DCBLD2: variants seen among roughly 807,000 people sequenced by gnomAD.
The protein encoded by DCBLD2 is discoidin, CUB and LCCL domain-containing protein 2.
In DCBLD2, 54 loss-of-function variants were observed where a neutral mutation model predicts 86.8. That is an observed-to-expected ratio of 0.62 (90% confidence interval 0.50 to 0.78). The LOEUF is 0.78. DCBLD2 is among the 30% of genes least tolerant of loss of function. The probability of loss-of-function intolerance (pLI) is 0.00; values close to 1 mark genes in which losing one functional copy is unlikely to be tolerated. For missense variants in DCBLD2, 908 were observed against 954.2 expected, an observed-to-expected ratio of 0.95 and a Z score of 0.64; for synonymous variants, 354 against 341.3, an observed-to-expected ratio of 1.04 and a Z score of -0.41.
chr3:98,858,708 T>C (rs1942982742), intron 2 of DCBLD2, among the ~76,000 whole-genome samples: 1 of 152,092 alleles, frequency 6.6e-6, no homozygotes, highest in South Asian at 2.1e-4. Flanking sequence ...AGAAAACAAG[T>C]AACTTTAAAA....
At chr3:98,852,298 G>C (rs1167988950) in intron 2 of DCBLD2, among the ~76,000 whole-genome samples, 4 of 150,296 alleles carry the variant, frequency 2.7e-5, no homozygotes, top group Non-Finnish European at 5.9e-5. Context: ...CCAGGCTGGA[G>C]TACAGTGGCG....
In DCBLD2 at chr3:98,901,482, G is replaced by GCGCCGGGACC; in HGVS notation, c.-157_-156insGGTCCCGGCG. 1 of 638,340 alleles carries GCGCCGGGACC rather than the reference G, an allele frequency of 1.6e-6. No homozygotes were observed. The highest frequency in any genetic ancestry group is 2.2e-6 in the Non-Finnish European group (1 of 449,840). 39.5% of individuals were successfully genotyped at this position (638,340 alleles called of 1,614,324 possible). ...CCGGGACCCTTCCGCCCCTCACCCCGCTTTCACCTACTCCTCCTTCGTCCC... is the reference window on the plus strand; with the variant it reads ...CCGGGACCCTTCCGCCCCTCACCCCGCGCCGGGACCCTTTCACCTACTCCTCCTTCGTCCC... On this transcript the variant is annotated 5_prime_UTR_variant, in exon 1 of 16. Coordinates refer to ENST00000326840, the MANE Select transcript of DCBLD2 (RefSeq NM_080927.4).
rs1164022534 is a variant in DCBLD2 at position 98,799,661 on chromosome 3, G to A, written c.2039C>T (p.Pro680Leu). The change falls in exon 16 of 16, where the codon CCA (proline) becomes CTA (leucine). Residue 680 changes from proline to leucine, a missense_variant. Transcript: ENST00000326840. ...GTGCCCTGACATGTCCATGATGATT[G>A]GGGTTGCATACTCAGGCCCCGTAAT... ...LPITGPEYAT[P>L]IIMDMSGHPT... 2 of 1,613,870 alleles carry A rather than the reference G, an allele frequency of 1.2e-6. No homozygotes were observed. Among genetic ancestry groups the A allele is most frequent in the Non-Finnish European group, 1.7e-6 (2 of 1,179,892 alleles).
At chr3:98,890,919 C>G (rs1046780487) in intron 1 of DCBLD2, among the ~76,000 whole-genome samples, 2 of 152,082 alleles carry the variant, frequency 1.3e-5, no homozygotes, top group Admixed American at 6.6e-5. Context: ...ATACTAAGCA[C>G]TTTTGCTCAG....
At chr3:98,876,087 GA>G (rs1043319370) in intron 2 of DCBLD2, among the ~76,000 whole-genome samples, 7 of 151,802 alleles carry the variant, frequency 4.6e-5, no homozygotes, top group African/African-American at 1.5e-4. Context: ...TTGCATGGTT[GA>G]AAAAAAGTAA....
intron 3 of DCBLD2, among the ~76,000 whole-genome samples, chr3:98,831,232 A>G (rs1463105240): frequency 1.5e-5 from 2 of 131,788 alleles, no homozygotes; most frequent in South Asian, 4.6e-4. Flanking sequence ...TGGTATTTTT[A>G]GTAGAGACGA....
chr3:98,895,512 G>C (rs560293531), intron 1 of DCBLD2: 1 of 152,306 alleles, frequency 6.6e-6, no homozygotes, highest in South Asian at 2.1e-4. Context: ...ATAATCTTAT[G>C]ATCTTACTCT....
Position 98,799,549 on chromosome 3 carries a change from T to G in DCBLD2, c.2151A>C (p.Thr717=). ...AGCAGCTGTCAGTCCTGGAGAGAAG[T>G]GTATTGTAAGTTCCCACTAGTGGGG... The part of the protein sequence containing the change: ...QPPPLVGTYN[T]LLSRTDSCSS... The change falls in exon 16 of 16, where the codon ACA becomes ACC. Residue 717 remains threonine, a synonymous_variant. Transcript: ENST00000326840. The G allele has an allele frequency of 1.2e-6, 2 of 1,613,820 alleles. No individual in the cohort carries two copies. The highest frequency in any genetic ancestry group is 1.7e-6 in the Non-Finnish European group (2 of 1,179,864).
intron 1 of DCBLD2, among the ~76,000 whole-genome samples, chr3:98,886,746 G>C (rs138362108): frequency 2.9e-4 from 43 of 150,752 alleles, no homozygotes; most frequent in African/African-American, 9.7e-4. Context: ...CCTCTGAAGA[G>C]TGTAAGGTCA....
chr3:98,826,362 C>G (rs1407583110), intron 3 of DCBLD2, among the ~76,000 whole-genome samples: 1 of 152,186 alleles, frequency 6.6e-6, no homozygotes, highest in Non-Finnish European at 1.5e-5. Flanking sequence ...GCTGCTCTCT[C>G]GACTTGTAAG....
Position 98,801,613 on chromosome 3 carries a change from G to A in DCBLD2, c.1707C>T (p.Tyr569=), listed in dbSNP as rs1422263183. The change falls in exon 14 of 16, where the codon TAC becomes TAT. Residue 569 remains tyrosine (Y), a synonymous_variant. Coordinates refer to ENST00000326840, the MANE Select transcript of DCBLD2 (RefSeq NM_080927.4). ...KKTEGTYDLP[Y]WDRAGWWKGM... ...CACGTGAGTTACCTGCCCGGTCCCA[G>A]TAAGGTAAGTCATAGGTGCCTTCAG... is the stretch of plus-strand genomic sequence containing the variant. The A allele has an allele frequency of 1.2e-6, 2 of 1,610,244 alleles. No individual in the cohort carries two copies. The highest frequency in any genetic ancestry group is 1.7e-6 in the Non-Finnish European group (2 of 1,178,122).
intron 2 of DCBLD2, among the ~76,000 whole-genome samples, chr3:98,857,930 G>T (rs1256563689): frequency 6.6e-6 from 1 of 152,248 alleles, no homozygotes; most frequent in African/African-American, 2.4e-5. Flanking sequence ...CCCGCACCGG[G>T]GCTGCAGGTG....
chr3:98,880,232 A>G (rs1471508314), intron 2 of DCBLD2, among the ~76,000 whole-genome samples: 1 of 152,214 alleles, frequency 6.6e-6, no homozygotes, highest in Non-Finnish European at 1.5e-5. Context: ...TAAAGAAGAG[A>G]TGAAGGATTT....
chr3:98,890,653 C>G (rs922917667), intron 1 of DCBLD2, among the ~76,000 whole-genome samples: 2 of 152,032 alleles, frequency 1.3e-5, no homozygotes, highest in Admixed American at 6.6e-5. Flanking sequence ...GCACTTCCTT[C>G]TCTTGCTTCC....
chr3:98,802,748 G>C (rs1941753497), intron 13 of DCBLD2, among the ~76,000 whole-genome samples: 1 of 152,170 alleles, frequency 6.6e-6, no homozygotes, highest in African/African-American at 2.4e-5. Flanking sequence ...AAGGGATCCA[G>C]TTTCAGCTTT....
At chr3:98,894,832 T>C (rs1237164140) in intron 1 of DCBLD2, among the ~76,000 whole-genome samples, 2 of 152,130 alleles carry the variant, frequency 1.3e-5, no homozygotes, top group African/African-American at 4.8e-5. Flanking sequence ...ATAATTTGAA[T>C]GACAGACACT....
chr3:98,849,071 G>A (rs2454688), intron 3 of DCBLD2, among the ~76,000 whole-genome samples: 6 of 151,746 alleles, frequency 4.0e-5, no homozygotes, highest in African/African-American at 1.5e-4. Flanking sequence ...CAGGAGGCTG[G>A]GACAGGAGAA....
rs774275532 is a variant in DCBLD2 at position 98,800,647 on chromosome 3, T to G, written c.1790A>C (p.Tyr597Ser). 6.2e-7 allele frequency: 1 copy of G among 1,613,980 alleles called. No individual in the cohort carries two copies. The highest frequency in any genetic ancestry group is 2.2e-5 in the East Asian group (1 of 44,882). Residue 597 changes from tyrosine (Y) to serine (S), a missense_variant, in exon 15 of 16, where the codon TAT becomes TCT. By Grantham distance (144) the Tyr-to-Ser change is moderately radical. Transcript: ENST00000326840. ...AVDHEETPVR[Y>S]SSSEVNHLSP... ...CAGGTGATTAACTTCGCTGCTGCTA[T>G]AGCGAACTGGGGTTTCCTCATGGTC...
In DCBLD2 at chr3:98,825,309, T is replaced by G; in HGVS notation, c.623+6A>C. On this transcript the variant is annotated splice_donor_region_variant and intron_variant, in intron 4 of 15. Coordinates refer to ENST00000326840, the MANE Select transcript of DCBLD2 (RefSeq NM_080927.4). ...AAAAAAAAAAAAGTCACAAATATAA[T>G]CATACCTGAACTCAGGTTCCAAAAA... 6.9e-7 allele frequency: 1 copy of G among 1,452,172 alleles called. No individual in the cohort carries two copies. Among genetic ancestry groups the G allele is most frequent in the Non-Finnish European group, 9.2e-7 (1 of 1,089,124 alleles). 90.0% of individuals were successfully genotyped at this position (1,452,172 alleles called of 1,614,324 possible).
Sources: allele counts gnomAD v4.1 joint callset (sites outside exome capture counted in the v4.1 genomes callset), GRCh38; gene constraint gnomAD v4.1.1; transcripts MANE v1.5; gene names NCBI Gene and HGNC (gene_info 2026-07-23, HGNC 2026-07-21).